The following GRID1 variants were observed in gnomAD, a reference collection of about 807,000 sequenced individuals.
GRID1 encodes the protein glutamate receptor ionotropic, delta-1.
In GRID1, 28 loss-of-function variants were observed where a neutral mutation model predicts 98.0. The observed-to-expected ratio is 0.29, with a 90% CI of 0.21 to 0.39. The LOEUF (loss-of-function observed/expected upper bound fraction) is 0.39. GRID1 is among the 10% of genes least tolerant of loss of function. GRID1 has a pLI of 1.00. For missense variants in GRID1, 1,111 were observed against 1,340.5 expected (o/e 0.83, Z 2.67); for synonymous variants, 553 against 538.5 (o/e 1.03, Z -0.37).
intron 2 of GRID1, among the ~76,000 whole-genome samples, chr10:86,316,216 G>C (rs915564140): frequency 2.0e-5 from 3 of 152,200 alleles, no homozygotes; most frequent in Admixed American, 1.3e-4. Flanking sequence ...ATGCCACCAG[G>C]TGTGCCCCAG....
chr10:85,995,442 A>C (rs1437031046), intron 4 of GRID1, among the ~76,000 whole-genome samples: 1 of 152,166 alleles, frequency 6.6e-6, no homozygotes, highest in Non-Finnish European at 1.5e-5. Flanking sequence ...CTCCATAAAA[A>C]CTATGCAAGG....
chr10:85,721,943 G>C (rs1841707382), intron 12 of GRID1, among the ~76,000 whole-genome samples: 1 of 152,146 alleles, frequency 6.6e-6, no homozygotes, highest in African/African-American at 2.4e-5. Context: ...TATAATATTA[G>C]ACTTTTGCAA....
chr10:85,973,257 A>C (rs767798239), intron 4 of GRID1, among the ~76,000 whole-genome samples: 7 of 152,134 alleles, frequency 4.6e-5, no homozygotes, highest in Non-Finnish European at 1.0e-4. Context: ...TGTCTTTATA[A>C]AGAAGTTTTT....
intron 2 of GRID1, among the ~76,000 whole-genome samples, chr10:86,297,383 T>C (rs1847608192): frequency 1.3e-5 from 2 of 152,198 alleles, no homozygotes; most frequent in Non-Finnish European, 2.9e-5. Context: ...AAAGGAATTC[T>C]TGATTAATAA....
rs183706194 is a variant in GRID1 at position 86,131,517 on chromosome 10, T to C, written c.726+7302A>G. On this transcript the variant is annotated intron_variant, in intron 4 of 15. Transcript: ENST00000327946. ...AGGCCACCAGGTGTCTTCAGGCCCA[T>C]GCTTCAGGTTCACAGTTCTCTTTGA... Among the ~76,000 whole-genome samples, 28 of 152,290 alleles carry C rather than the reference T, an allele frequency of 1.8e-4. No homozygotes were observed. The East Asian group carries it at 2.7e-3, about 15-fold the overall frequency.
At chr10:86,262,046 T>C (rs1040700525) in intron 2 of GRID1, among the ~76,000 whole-genome samples, 1 of 152,208 alleles carries the variant, frequency 6.6e-6, no homozygotes, top group African/African-American at 2.4e-5. Flanking sequence ...GGTGAAGCAG[T>C]GTGTCCAGCG....
rs73340248 is a variant in GRID1, at chr10:86,336,748, A to G, written c.235+27193T>C. Among the ~76,000 whole-genome samples, 1,358 of 152,250 alleles carry G rather than the reference A, an allele frequency of 8.9e-3. 13 individuals carry two copies. The highest frequency in any genetic ancestry group is 0.023 in the South Asian group (112 of 4,822). ...CCTGGCTCCATGGGAACATGGCTATAAATTGTTTCTGACAGTTGTGTTATT... is the reference window on the plus strand; with the variant it reads ...CCTGGCTCCATGGGAACATGGCTATGAATTGTTTCTGACAGTTGTGTTATT... On this transcript the variant is annotated intron_variant, in intron 2 of 15. Transcript: ENST00000327946.
At chr10:86,109,811 C>T (rs1477635242) in intron 4 of GRID1, among the ~76,000 whole-genome samples, 2 of 152,160 alleles carry the variant, frequency 1.3e-5, no homozygotes. Flanking sequence ...AGAGCTGGAA[C>T]TCTAGAGGAA....
chr10:86,027,304 G>C (rs1208516133), intron 4 of GRID1, among the ~76,000 whole-genome samples: 1 of 152,102 alleles, frequency 6.6e-6, no homozygotes, highest in Non-Finnish European at 1.5e-5. Flanking sequence ...TGTCTCCATG[G>C]ATTTGCCTGT....
chr10:85,658,562 G>A (rs1229548056), intron 12 of GRID1, among the ~76,000 whole-genome samples: 1 of 152,188 alleles, frequency 6.6e-6, no homozygotes, highest in East Asian at 1.9e-4. Context: ...ATATTAAGTA[G>A]CTCATAGCTA....
intron 2 of GRID1, among the ~76,000 whole-genome samples, chr10:86,231,144 T>C (rs1846445859): frequency 6.6e-6 from 1 of 152,216 alleles, no homozygotes; most frequent in South Asian, 2.1e-4. Flanking sequence ...GGGCCTGTGA[T>C]ACACATTTTG....
intron 4 of GRID1, among the ~76,000 whole-genome samples, chr10:85,998,543 TA>T (rs1306892431): frequency 2.6e-5 from 4 of 151,956 alleles, no homozygotes; most frequent in East Asian, 1.9e-4. Context: ...AAGAAAGATT[TA>T]AAAAAAATTA....
intron 12 of GRID1, among the ~76,000 whole-genome samples, chr10:85,722,319 T>C (rs1163620040): frequency 1.3e-5 from 2 of 152,216 alleles, no homozygotes; most frequent in Non-Finnish European, 2.9e-5. Context: ...CAATGAAGTG[T>C]ACAACAGATC....
chr10:86,195,725 G>A lies in GRID1; in HGVS notation c.520+10639C>T, dbSNP rs1486335462. On this transcript the variant is annotated intron_variant, in intron 3 of 15. Transcript: ENST00000327946. The surrounding 1 kb of genome is among the most constrained non-coding windows in gnomAD (Gnocchi z 4.4). ...GTGAAGGGCTGAGAGGAGACATAAT[G>A]TTACCCACATGGCTGTGTCTGGGCG... Among the ~76,000 whole-genome samples the A allele has an allele frequency of 6.6e-6, 1 of 152,118 alleles. No homozygotes were observed. Among genetic ancestry groups the A allele is most frequent in the Non-Finnish European group, 1.5e-5 (1 of 67,984 alleles).
intron 12 of GRID1, among the ~76,000 whole-genome samples, chr10:85,706,029 G>A (rs985983283): frequency 1.3e-5 from 2 of 152,298 alleles, no homozygotes; most frequent in Non-Finnish European, 2.9e-5. Flanking sequence ...AAAACTGGAA[G>A]CATTCCCTTT....
At chr10:85,640,939 A>T (rs190677320) in intron 13 of GRID1, among the ~76,000 whole-genome samples, 31 of 152,358 alleles carry the variant, frequency 2.0e-4, no homozygotes, top group African/African-American at 7.5e-4. Context: ...TTACCACCAA[A>T]TGCTGGCCTA....
At chr10:85,986,442 A>G (rs10788474) in intron 4 of GRID1, among the ~76,000 whole-genome samples, 50,673 of 152,010 alleles carry the variant, frequency 0.33, 9,248 homozygotes, top group South Asian at 0.5. Context: ...TCTGCTGGGG[A>G]AATTGTGTTA....
intron 4 of GRID1, among the ~76,000 whole-genome samples, chr10:86,057,760 CTCTT>C (rs1483334143): frequency 1.3e-5 from 2 of 152,188 alleles, no homozygotes; most frequent in Admixed American, 6.5e-5. Context: ...AGAACCACAT[CTCTT>C]TCTTTCTCCA....
chr10:85,714,057 C>T (rs568275679), intron 12 of GRID1, among the ~76,000 whole-genome samples: 93 of 151,954 alleles, frequency 6.1e-4, no homozygotes, highest in African/African-American at 2.1e-3. Context: ...ATATACACCA[C>T]GGAATACTAT....
Sources: allele counts gnomAD v4.1 joint callset (sites outside exome capture counted in the v4.1 genomes callset), GRCh38; gene constraint gnomAD v4.1.1; non-coding constraint Gnocchi (gnomAD v3.1); transcripts MANE v1.5; gene names NCBI Gene and HGNC (gene_info 2026-07-23, HGNC 2026-07-21).